TYR: variants seen among roughly 807,000 people sequenced by gnomAD.
TYR encodes tyrosinase, also known as LB24-AB.
Under a neutral mutation model 51.5 loss-of-function variants are expected in TYR, and 58 were observed. That is an observed-to-expected ratio of 1.13 (90% confidence interval 0.91 to 1.40). TYR has a LOEUF of 1.40. Among genes scored for constraint, TYR ranks in the 40% most tolerant of loss-of-function variants. The probability of loss-of-function intolerance (pLI) is 0.00; values close to 1 mark genes in which losing one functional copy is unlikely to be tolerated. For synonymous variants in TYR, 263 were observed against 235.2 expected (o/e 1.12, Z -1.08); for missense variants, 732 against 647.4 (o/e 1.13, Z -1.42).
intron 2 of TYR, among the ~76,000 whole-genome samples, chr11:89,213,721 A>T (rs1475522140): frequency 6.6e-6 from 1 of 152,224 alleles, no homozygotes; most frequent in Non-Finnish European, 1.5e-5. Context: ...CCAAAACAGC[A>T]TGACACTGGT....
chr11:89,184,828 C>T (rs1215004403), intron 1 of TYR, among the ~76,000 whole-genome samples: 1 of 151,834 alleles, frequency 6.6e-6, no homozygotes, highest in African/African-American at 2.4e-5. Flanking sequence ...CTCTACCACA[C>T]AATGCATAAA....
intron 2 of TYR, among the ~76,000 whole-genome samples, chr11:89,203,306 C>T (rs748732330): frequency 1.3e-5 from 2 of 152,170 alleles, no homozygotes; most frequent in African/African-American, 2.4e-5. Flanking sequence ...AATTCCACTT[C>T]ACTACAAAGC....
chr11:89,281,552 A>T (rs549898052), intron 3 of TYR, among the ~76,000 whole-genome samples: 2 of 151,738 alleles, frequency 1.3e-5, no homozygotes, highest in South Asian at 4.2e-4. Flanking sequence ...TGTTCCTACC[A>T]CTTTAGGAAT....
chr11:89,272,115 A>C (rs887082255), intron 3 of TYR, among the ~76,000 whole-genome samples: 8 of 151,848 alleles, frequency 5.3e-5, no homozygotes, highest in African/African-American at 1.9e-4. Context: ...CTCCCATGAA[A>C]ATTAATGTTC....
intron 4 of TYR, among the ~76,000 whole-genome samples, chr11:89,285,715 G>A (rs1428468085): frequency 6.6e-6 from 1 of 151,632 alleles, no homozygotes; most frequent in Non-Finnish European, 1.5e-5. Context: ...CTAAGATAAA[G>A]GTGAGGACAC....
intron 3 of TYR, among the ~76,000 whole-genome samples, chr11:89,228,635 C>T (rs149655872): frequency 8.5e-5 from 13 of 152,250 alleles, no homozygotes; most frequent in Non-Finnish European, 1.8e-4. Context: ...TAAGGAAGTA[C>T]AAACTGATCT....
chr11:89,198,771 T>A (rs370213428), intron 2 of TYR, among the ~76,000 whole-genome samples: 18 of 123,334 alleles, frequency 1.5e-4, no homozygotes, highest in African/African-American at 5.4e-4. Context: ...ATATATATAT[T>A]TTTATACTTT....
chr11:89,178,086 C>T lies in TYR; in HGVS notation c.133C>T (p.Pro45Ser). 1.2e-6 allele frequency: 2 copies of T among 1,614,160 alleles called. No individual in the cohort carries two copies. Among genetic ancestry groups the T allele is most frequent in the Admixed American group, 1.7e-5 (1 of 60,020 alleles). ...CCPPWSGDRS[P>S]CGQLSGRGSC... ...TCCACCGTGGAGCGGGGACAGGAGT[C>T]CCTGTGGCCAGCTTTCAGGCAGAGG... Residue 45 changes from proline (P) to serine (S), a missense_variant, in exon 1 of 5, where the codon CCC (proline) becomes TCC (serine). By Grantham distance (74) the Pro-to-Ser change is moderately conservative. Transcript: ENST00000263321.
At chr11:89,242,081 G>C (rs1391949779) in intron 3 of TYR, among the ~76,000 whole-genome samples, 1 of 152,052 alleles carries the variant, frequency 6.6e-6, no homozygotes, top group Non-Finnish European at 1.5e-5. Context: ...GAAAGAGTCA[G>C]GTTGGATACA....
intron 3 of TYR, among the ~76,000 whole-genome samples, chr11:89,265,391 G>A (rs1435799080): frequency 6.6e-6 from 1 of 152,004 alleles, no homozygotes; most frequent in Non-Finnish European, 1.5e-5. Flanking sequence ...CTCTGCCTTC[G>A]CCACTTGGCT....
At position 89,295,520 on chromosome 11, in the gene TYR, G is replaced by C; in HGVS notation, c.*154G>C. 1.1e-6 allele frequency: 1 copy of C among 939,136 alleles called. No individual in the cohort carries two copies. Among genetic ancestry groups the C allele is most frequent in the East Asian group, 2.7e-5 (1 of 37,644 alleles). 58.2% of individuals were successfully genotyped at this position (939,136 alleles called of 1,614,324 possible). The stretch of plus-strand genomic sequence containing the variant: ...AAAGTGTAGCCTTCTTCCAACTCAG[G>C]TAGAACACACCTGTCTTTGTCTTGC... On this transcript the variant is annotated 3_prime_UTR_variant, in exon 5 of 5. Coordinates refer to ENST00000263321, the MANE Select transcript of TYR (RefSeq NM_000372.5).
intron 2 of TYR, among the ~76,000 whole-genome samples, chr11:89,226,514 T>C (rs1943979049): frequency 6.6e-6 from 1 of 152,022 alleles, no homozygotes; most frequent in Admixed American, 6.6e-5. Flanking sequence ...GATCAGGGAT[T>C]GGTATGGTCT....
intron 3 of TYR, among the ~76,000 whole-genome samples, chr11:89,273,270 A>T (rs2135316384): frequency 6.6e-6 from 1 of 151,974 alleles, no homozygotes; most frequent in Non-Finnish European, 1.5e-5. Context: ...CTTTCAATTG[A>T]ACATTTATAG....
At chr11:89,221,275 T>G (rs895121804) in intron 2 of TYR, among the ~76,000 whole-genome samples, 12 of 152,222 alleles carry the variant, frequency 7.9e-5, no homozygotes, top group African/African-American at 2.9e-4. Flanking sequence ...GGAGTGTTTG[T>G]GCCCTGGGCT....
At chr11:89,197,185 A>G (rs1436610917) in intron 2 of TYR, among the ~76,000 whole-genome samples, 1 of 152,154 alleles carries the variant, frequency 6.6e-6, no homozygotes, top group Non-Finnish European at 1.5e-5. Flanking sequence ...TGAGTTACCA[A>G]AAAATGAGAA....
chr11:89,280,025 T>C (rs1417010292), intron 3 of TYR, among the ~76,000 whole-genome samples: 6 of 151,742 alleles, frequency 4.0e-5, no homozygotes, highest in Non-Finnish European at 7.4e-5. Context: ...CAACTTTATT[T>C]TGTGGCTCAA....
chr11:89,219,242 G>A (rs138993316), intron 2 of TYR, among the ~76,000 whole-genome samples: 2 of 151,078 alleles, frequency 1.3e-5, no homozygotes, highest in East Asian at 3.9e-4. Flanking sequence ...GAAAATATTA[G>A]TCCTAAATTA....
chr11:89,227,998 G>A (rs780483116), intron 3 of TYR, 28 bp downstream of exon 3: 17 of 1,611,060 alleles, frequency 1.1e-5, no homozygotes, highest in Admixed American at 6.7e-5. Context: ...TATAAATAAC[G>A]TGCTCATTGG....
chr11:89,283,755 TTACTC>T (rs1241222109), intron 3 of TYR: 12 of 152,018 alleles, frequency 7.9e-5, no homozygotes, highest in African/African-American at 2.6e-4. Flanking sequence ...TCTCTATAAA[TTACTC>T]TACAACTTGA....
Sources: allele counts gnomAD v4.1 joint callset (sites outside exome capture counted in the v4.1 genomes callset), GRCh38; gene constraint gnomAD v4.1.1; transcripts MANE v1.5; gene names NCBI Gene and HGNC (gene_info 2026-07-23, HGNC 2026-07-21).